The following DSCAM variants were observed in gnomAD, a reference collection of about 807,000 sequenced individuals.
DSCAM encodes the protein cell adhesion molecule DSCAM.
DSCAM carries 47 observed loss-of-function variants against 217.7 expected under a neutral mutation model. The ratio of observed to expected loss-of-function variants is 0.22; its 90% CI spans 0.17 to 0.28. The LOEUF (loss-of-function observed/expected upper bound fraction) is 0.28. Ranked by LOEUF, DSCAM falls within the 10% of genes least tolerant of loss-of-function variation. The probability of loss-of-function intolerance (pLI) is 1.00; values close to 1 mark genes in which losing one functional copy is unlikely to be tolerated. For synonymous variants in DSCAM, 1,056 were observed against 1,015.3 expected (o/e 1.04, Z -0.76); for missense variants, 2,080 against 2,618.3 (o/e 0.79, Z 4.49).
chr21:40,692,333 A>T (rs2090547108), intron 3 of DSCAM, among the ~76,000 whole-genome samples: 1 of 152,244 alleles, frequency 6.6e-6, no homozygotes, highest in African/African-American at 2.4e-5. Context: ...TCATTGCTAC[A>T]TATATATTCT....
In DSCAM at chr21:40,554,196, GTT is replaced by G. The variant is rs113016250; in HGVS notation, c.508+138612_508+138613del. 1.8e-3 allele frequency among the ~76,000 whole-genome samples: 233 copies of G among 132,546 alleles called. 3 individuals carry two copies. Among genetic ancestry groups the G allele is most frequent in the South Asian group, 9.5e-3 (38 of 3,990 alleles). 87.0% of individuals were successfully genotyped at this position (132,546 alleles called of 152,430 possible). On this transcript the variant is annotated intron_variant, in intron 3 of 32. Transcript: ENST00000400454. ...GCCTGGCTGTTTGTTTTGATTGTTA[GTT>G]TTTTTTTTTTTTTTTAATGCGACAA...
At chr21:40,337,569 T>G (rs1346223511) in intron 8 of DSCAM, among the ~76,000 whole-genome samples, 1 of 152,174 alleles carries the variant, frequency 6.6e-6, no homozygotes, top group Non-Finnish European at 1.5e-5. Context: ...GTAGATTCCA[T>G]GACAGTCCAT....
At position 40,144,194 on chromosome 21, in the gene DSCAM, A is replaced by T. The variant is rs563174114; in HGVS notation, c.3259+297T>A. Among the ~76,000 whole-genome samples the T allele has an allele frequency of 4.5e-4, 68 of 152,362 alleles. No homozygotes were observed. The highest frequency in any genetic ancestry group is 1.5e-3 in the African/African-American group (63 of 41,592). On this transcript the variant is annotated intron_variant, in intron 17 of 32. Coordinates refer to ENST00000400454, the MANE Select transcript of DSCAM (RefSeq NM_001389.5). This position sits in a 1 kb window ranked among gnomAD's most constrained non-coding sequence, Gnocchi z 4.8. ...TGCATTCTCGTGAGACTTCTGCAGT[A>T]ATAGAGAGAGCCTTGTTTTCACTCC...
At chr21:40,638,834 G>C (rs1453253923) in intron 3 of DSCAM, among the ~76,000 whole-genome samples, 1 of 152,096 alleles carries the variant, frequency 6.6e-6, no homozygotes, top group Non-Finnish European at 1.5e-5. Flanking sequence ...GTTGTGCTTT[G>C]ATTAAGAGTA....
At position 40,124,272 on chromosome 21, in the gene DSCAM, C is replaced by G. The variant is rs1344824510; in HGVS notation, c.3619G>C (p.Val1207Leu). Reference sequence around the variant, plus strand: ...AGCTTGAGAGGGGGAAGCCAGGACACAAAGACCATGGAGGCTGAGGCCGCC... The same window carrying G: ...AGCTTGAGAGGGGGAAGCCAGGACAGAAAGACCATGGAGGCTGAGGCCGCC... Reference protein sequence around the residue: ...AAAASASMVFVSWLPPLKLNG... With the variant: ...AAAASASMVFLSWLPPLKLNG... Residue 1207 changes from valine to leucine, a missense_variant, in exon 20 of 33, where the codon GTG (valine) becomes CTG (leucine). Val to Leu is a conservative substitution (Grantham distance 32, BLOSUM62 1). Around this residue, in one of 5 missense-constraint regions of DSCAM, gnomAD observed 1,144 missense variants for 1,421.1 expected, o/e 0.81. Coordinates refer to ENST00000400454, the MANE Select transcript of DSCAM (RefSeq NM_001389.5). 6.2e-7 allele frequency: 1 copy of G among 1,613,990 alleles called. No individual in the cohort carries two copies. The highest frequency in any genetic ancestry group is 1.7e-5 in the Admixed American group (1 of 60,012).
At chr21:40,846,451 A>G (rs1419605961) in intron 1 of DSCAM, among the ~76,000 whole-genome samples, 168 bp downstream of exon 1, 2 of 151,982 alleles carry the variant, frequency 1.3e-5, no homozygotes, top group African/African-American at 4.8e-5. Context: ...TTCTCCCCCA[A>G]AAAATAAATA....
intron 11 of DSCAM, among the ~76,000 whole-genome samples, chr21:40,263,324 G>C (rs2073479372): frequency 6.6e-6 from 1 of 152,118 alleles, no homozygotes; most frequent in African/African-American, 2.4e-5. Context: ...ATAAACGTGT[G>C]AGCAGAGCAA....
chr21:40,379,923 G>A (rs2075003283), intron 3 of DSCAM, among the ~76,000 whole-genome samples: 2 of 152,152 alleles, frequency 1.3e-5, no homozygotes, highest in Admixed American at 1.3e-4. Context: ...TGAAGCCCCA[G>A]CGTGGATCTT....
intron 1 of DSCAM, among the ~76,000 whole-genome samples, chr21:40,754,145 C>T (rs1409540783): frequency 6.6e-6 from 1 of 152,236 alleles, no homozygotes; most frequent in Non-Finnish European, 1.5e-5. Context: ...ACACCAGACC[C>T]TCCGACACAT....
intron 3 of DSCAM, among the ~76,000 whole-genome samples, chr21:40,651,576 T>C (rs1468803819): frequency 1.3e-5 from 2 of 152,192 alleles, no homozygotes; most frequent in Admixed American, 1.3e-4. Flanking sequence ...TCACTTGCTT[T>C]TCCCAACCTA....
intron 20 of DSCAM, among the ~76,000 whole-genome samples, chr21:40,105,211 T>G (rs182825264): frequency 6.6e-6 from 1 of 152,190 alleles, no homozygotes; most frequent in Admixed American, 6.5e-5. Context: ...TTATAGCAAT[T>G]GAATGATTTC....
At chr21:40,389,220 G>A (rs2075113031) in intron 3 of DSCAM, among the ~76,000 whole-genome samples, 1 of 152,056 alleles carries the variant, frequency 6.6e-6, no homozygotes, top group African/African-American at 2.4e-5. Flanking sequence ...TGTCATTTGA[G>A]CAAGGAAATC....
chr21:40,471,319 TAGGTAG>T (rs934681775), intron 3 of DSCAM, among the ~76,000 whole-genome samples: 1 of 152,204 alleles, frequency 6.6e-6, no homozygotes, highest in African/African-American at 2.4e-5. Context: ...TGAACTTCAC[TAGGTAG>T]AGGCCTTTGG....
chr21:40,281,472 A>G (rs2073758815), intron 10 of DSCAM, among the ~76,000 whole-genome samples: 1 of 152,196 alleles, frequency 6.6e-6, no homozygotes, highest in South Asian at 2.1e-4. Flanking sequence ...AGAAATATAT[A>G]TATATAGCGG....
chr21:40,808,035 G>C (rs1569046404), intron 1 of DSCAM, among the ~76,000 whole-genome samples: 1 of 152,078 alleles, frequency 6.6e-6, no homozygotes, highest in Non-Finnish European at 1.5e-5. Flanking sequence ...AGAATTCAGA[G>C]CTGAGTCCTT....
chr21:40,481,920 C>T (rs1014182932), intron 3 of DSCAM, among the ~76,000 whole-genome samples: 1 of 152,210 alleles, frequency 6.6e-6, no homozygotes, highest in Non-Finnish European at 1.5e-5. Context: ...AGACCCGGAA[C>T]ACACGTGCAC....
At chr21:40,796,121 G>A (rs1271687794) in intron 1 of DSCAM, among the ~76,000 whole-genome samples, 1 of 152,184 alleles carries the variant, frequency 6.6e-6, no homozygotes, top group Non-Finnish European at 1.5e-5. Context: ...GTGTGTTCTT[G>A]TCCCAACTCT....
At chr21:40,639,804 T>C (rs28578857) in intron 3 of DSCAM, among the ~76,000 whole-genome samples, 24,781 of 152,166 alleles carry the variant, frequency 0.16, 2,217 homozygotes, top group Admixed American at 0.25. Flanking sequence ...CTGGCCTGCA[T>C]TGAAGCATGA....
intron 3 of DSCAM, among the ~76,000 whole-genome samples, chr21:40,500,812 A>G (rs2076165043): frequency 6.6e-6 from 1 of 152,202 alleles, no homozygotes; most frequent in Admixed American, 6.5e-5. Context: ...TCTGCCCTAT[A>G]GTCTCCTGCT....
Sources: allele counts gnomAD v4.1 joint callset (sites outside exome capture counted in the v4.1 genomes callset), GRCh38; gene constraint gnomAD v4.1.1; regional missense constraint gnomAD v4.1.1; non-coding constraint Gnocchi (gnomAD v3.1); transcripts MANE v1.5; gene names NCBI Gene and HGNC (gene_info 2026-07-23, HGNC 2026-07-21).